The following AMER2 variants were observed in gnomAD, a reference collection of about 807,000 sequenced individuals.
The protein encoded by AMER2 is APC membrane recruitment protein 2, also known as family with sequence similarity 123A.
In AMER2, 1 loss-of-function variant was observed where a neutral mutation model predicts 4.7. The observed-to-expected ratio is 0.21, with a 90% CI of 0.07 to 1.00. AMER2 has a LOEUF of 1.00. Among genes scored for constraint, AMER2 ranks in the 50% least tolerant of loss-of-function variants. The pLI is 0.60. For synonymous variants in AMER2, 485 were observed against 433.3 expected (o/e 1.12, Z -1.48); for missense variants, 988 against 966.9 (o/e 1.02, Z -0.29).
In AMER2 at chr13:25,169,079, T is replaced by A. The variant is rs1956514452; in HGVS notation, c.*525A>T. On this transcript the variant is annotated 3_prime_UTR_variant, in exon 1 of 1. Coordinates refer to ENST00000515384, the MANE Select transcript of AMER2 (RefSeq NM_152704.4). The surrounding 1 kb of genome is among the most constrained non-coding windows in gnomAD (Gnocchi z 4.2). ...TTTGGAGGTATTTTCCACACAGTGA[T>A]ACAGCAAAGGGTTTTGTTTTTGTTT... 6.5e-6 allele frequency: 1 copy of A among 152,716 alleles called. No individual in the cohort carries two copies. Among genetic ancestry groups the A allele is most frequent in the African/African-American group, 2.4e-5 (1 of 41,438 alleles). The allele number at this position is 152,716 out of a possible 1,614,324, so 9.5% of individuals were successfully genotyped here. A position where few individuals can be genotyped will look rare whatever the true frequency, so the allele number is the denominator to read the frequency against.
Position 25,170,964 on chromosome 13 carries a change from G to A in AMER2, c.656C>T (p.Ala219Val), listed in dbSNP as rs373180945. The A allele has an allele frequency of 7.7e-5, 119 of 1,541,090 alleles. No homozygotes were observed. The highest frequency in any genetic ancestry group is 1.8e-4 in the Middle Eastern group (1 of 5,650). Residue 219 changes from alanine (A) to valine (V), a missense_variant, in exon 1 of 1, where the codon GCG becomes GTG. Coordinates refer to ENST00000515384, the MANE Select transcript of AMER2 (RefSeq NM_152704.4). This position sits in a 1 kb window ranked among gnomAD's most constrained non-coding sequence, Gnocchi z 7.3. Reference protein sequence around the residue: ...RAKAEAAEGRAPGGGLILPGS... With the variant: ...RAKAEAAEGRVPGGGLILPGS... ...GGGTAGGATCAAGCCGCCCCCGGGC[G>A]CGCGCCCCTCCGCGGCCTCCGCCTT... is the stretch of plus-strand genomic sequence containing the variant.
Position 25,169,766 on chromosome 13 carries a change from A to T in AMER2, c.1854T>A (p.Leu618=), listed in dbSNP as rs1956528148. The part of the protein sequence containing the change: ...IPISIKHLTN[L]PSSHPVVHQQ... ...GGTGCACCACGGGATGGCTAGATGG[A>T]AGGTTGGTCAGGTGCTTGATGCTAA... The change falls in exon 1 of 1, where the codon CTT becomes CTA. Residue 618 remains leucine (L), a synonymous_variant. Transcript: ENST00000515384. The surrounding 1 kb of genome is among the most constrained non-coding windows in gnomAD (Gnocchi z 4.2). 3 of 1,613,910 alleles carry T rather than the reference A, an allele frequency of 1.9e-6. No individual in the cohort carries two copies. The East Asian group carries it at 6.7e-5, about 36-fold the overall frequency.
Position 25,172,125 on chromosome 13 carries a change from G to C in AMER2, c.-506C>G. 6.4e-6 allele frequency: 1 copy of C among 155,696 alleles called. No homozygotes were observed. The highest frequency in any genetic ancestry group is 1.4e-5 in the Non-Finnish European group (1 of 70,668). 9.6% of individuals were successfully genotyped at this position (155,696 alleles called of 1,614,324 possible). ...AGCCCAGCAGGCAGGAAGCATGTCT[G>C]CCTACATCCATGTCTTGTCCAGAGC... On this transcript the variant is annotated 5_prime_UTR_variant, in exon 1 of 1. Coordinates refer to ENST00000515384, the MANE Select transcript of AMER2 (RefSeq NM_152704.4).
Position 25,165,967 on chromosome 13 carries a change from T to G in AMER2, c.*3637A>C, listed in dbSNP as rs1956474081. 6.6e-6 allele frequency: 1 copy of G among 152,130 alleles called. No homozygotes were observed. The highest frequency in any genetic ancestry group is 2.1e-4 in the South Asian group (1 of 4,826). The allele number at this position is 152,130 out of a possible 1,614,324, so 9.4% of individuals were successfully genotyped here. On this transcript the variant is annotated 3_prime_UTR_variant, in exon 1 of 1. Coordinates refer to ENST00000515384, the MANE Select transcript of AMER2 (RefSeq NM_152704.4). ...TTCACACCAAGCTAACAGTCAAGAG[T>G]TGCCTTTAAAATTAATCTGACAAAG...
At position 25,171,602 on chromosome 13, in the gene AMER2, G is replaced by A. The variant is rs377030859; in HGVS notation, c.18C>T (p.Ser6=). ...CGCTGACAGCCCCGCCGCCGCCGCG[G>A]CTCCGGCTCGTCTCCATGGAAACCG... The part of the protein sequence containing the change: METSR[S]RGGGGAVSER... The change falls in exon 1 of 1, where the codon AGC becomes AGT. Residue 6 remains serine, a synonymous_variant. Coordinates refer to ENST00000515384, the MANE Select transcript of AMER2 (RefSeq NM_152704.4). This position sits in a 1 kb window ranked among gnomAD's most constrained non-coding sequence, Gnocchi z 5.9. The A allele has an allele frequency of 1.8e-3, 2,675 of 1,492,708 alleles. 10 individuals are homozygous for A. Among genetic ancestry groups the A allele is most frequent in the Non-Finnish European group, 2.0e-3 (2,314 of 1,134,936 alleles). 92.5% of individuals were successfully genotyped at this position (1,492,708 alleles called of 1,614,324 possible). A position where few individuals can be genotyped will look rare whatever the true frequency, so the allele number is the denominator to read the frequency against.
In AMER2 at chr13:25,166,647, TC is replaced by T. The variant is rs1956482892; in HGVS notation, c.*2956del. On this transcript the variant is annotated 3_prime_UTR_variant, in exon 1 of 1. Transcript: ENST00000515384. ...ACATGTGGGAAAGATATAATTAGCC[TC>T]TATCCAATCCTTCCCTTAAAAAGTC... 1 of 152,214 alleles carries T rather than the reference TC, an allele frequency of 6.6e-6. No individual in the cohort carries two copies. Among genetic ancestry groups the T allele is most frequent in the African/African-American group, 2.4e-5 (1 of 41,456 alleles). 9.4% of individuals were successfully genotyped at this position (152,214 alleles called of 1,614,324 possible). A position where few individuals can be genotyped will look rare whatever the true frequency, so the allele number is the denominator to read the frequency against.
Position 25,161,783 on chromosome 13 carries a change from A to C in AMER2, c.*7821T>G, listed in dbSNP as rs1272264266. 5 of 152,256 alleles carry C rather than the reference A, an allele frequency of 3.3e-5. No homozygotes were observed. 9.4% of individuals were successfully genotyped at this position (152,256 alleles called of 1,614,324 possible). On this transcript the variant is annotated 3_prime_UTR_variant, in exon 1 of 1. Transcript: ENST00000515384. ...TTTTCAGATGTTTGAATGGAACAAGAAAAGTGCTATTAGCCCAAGCTTCTT... is the reference window on the plus strand; with the variant it reads ...TTTTCAGATGTTTGAATGGAACAAGCAAAGTGCTATTAGCCCAAGCTTCTT...
Position 25,171,772 on chromosome 13 carries a change from TAA to T in AMER2, c.-155_-154del. The T allele has an allele frequency of 1.5e-6, 2 of 1,369,336 alleles. No homozygotes were observed. Among genetic ancestry groups the T allele is most frequent in the Non-Finnish European group, 1.9e-6 (2 of 1,067,582 alleles). 84.8% of individuals were successfully genotyped at this position (1,369,336 alleles called of 1,614,324 possible). The stretch of plus-strand genomic sequence containing the variant: ...ATCTTCCCTCCCGCAAGGGCTTATA[TAA>T]TACCCTAACCCACTTCCATCCGACT... On this transcript the variant is annotated 5_prime_UTR_variant, in exon 1 of 1. It introduces an in-frame stop codon into an upstream open reading frame of the 5' UTR. Coordinates refer to ENST00000515384, the MANE Select transcript of AMER2 (RefSeq NM_152704.4). This position sits in a 1 kb window ranked among gnomAD's most constrained non-coding sequence, Gnocchi z 5.9.
rs1369084859 is a variant in AMER2 at position 25,167,375 on chromosome 13, G to A, written c.*2229C>T. The A allele has an allele frequency of 2.0e-5, 3 of 152,170 alleles. No homozygotes were observed. The highest frequency in any genetic ancestry group is 7.2e-5 in the African/African-American group (3 of 41,452). 9.4% of individuals were successfully genotyped at this position (152,170 alleles called of 1,614,324 possible). On this transcript the variant is annotated 3_prime_UTR_variant, in exon 1 of 1. Transcript: ENST00000515384. ...AAATTTATATTTTCTCCATTCACTA[G>A]GGGAAGATGAATGTATTTTGAGCCT...
rs1956427373 is a variant in AMER2 at position 25,162,999 on chromosome 13, T to G, written c.*6605A>C. 1 of 152,234 alleles carries G rather than the reference T, an allele frequency of 6.6e-6. No homozygotes were observed. Among genetic ancestry groups the G allele is most frequent in the Non-Finnish European group, 1.5e-5 (1 of 68,050 alleles). 9.4% of individuals were successfully genotyped at this position (152,234 alleles called of 1,614,324 possible). ...CTTATTGATGGTGTTCAATAGCTAT[T>G]AGTTGAATGAGTTAATGAATCAGAA... On this transcript the variant is annotated 3_prime_UTR_variant, in exon 1 of 1. Transcript: ENST00000515384.
chr13:25,167,529 C>T lies in AMER2; in HGVS notation c.*2075G>A, dbSNP rs556943053. ...GTCTGTACACAGTTGAGTGCATGAG[C>T]ACGTGAGTGTGAGATGCTTATATGA... is the stretch of plus-strand genomic sequence containing the variant. On this transcript the variant is annotated 3_prime_UTR_variant, in exon 1 of 1. Coordinates refer to ENST00000515384, the MANE Select transcript of AMER2 (RefSeq NM_152704.4). 1 of 152,258 alleles carries T rather than the reference C, an allele frequency of 6.6e-6. No individual in the cohort carries two copies. The highest frequency in any genetic ancestry group is 2.1e-4 in the South Asian group (1 of 4,818). 9.4% of individuals were successfully genotyped at this position (152,258 alleles called of 1,614,324 possible).
In AMER2 at chr13:25,170,706, C is replaced by G. The variant is rs571117602; in HGVS notation, c.914G>C (p.Arg305Pro). Reference protein sequence around the residue: ...ARGEDAAGHRRAEPGPGEVRT... With the variant: ...ARGEDAAGHRPAEPGPGEVRT... Reference sequence around the variant, plus strand: ...GACCTCCCCGGGCCCCGGCTCGGCGCGCCGATGCCCCGCGGCGTCCTCTCC... The same window carrying G: ...GACCTCCCCGGGCCCCGGCTCGGCGGGCCGATGCCCCGCGGCGTCCTCTCC... Residue 305 changes from arginine to proline, a missense_variant, in exon 1 of 1, where the codon CGC becomes CCC. Arg to Pro is a moderately radical substitution (Grantham distance 103, BLOSUM62 -2). Transcript: ENST00000515384. The surrounding 1 kb of genome is among the most constrained non-coding windows in gnomAD (Gnocchi z 7.3). 2.7e-6 allele frequency: 4 copies of G among 1,493,390 alleles called. No individual in the cohort carries two copies. The highest frequency in any genetic ancestry group is 2.8e-5 in the East Asian group (1 of 35,478). 92.5% of individuals were successfully genotyped at this position (1,493,390 alleles called of 1,614,324 possible). A position where few individuals can be genotyped will look rare whatever the true frequency, so the allele number is the denominator to read the frequency against.
rs1234663147 is a variant in AMER2 at position 25,165,272 on chromosome 13, G to A, written c.*4332C>T. On this transcript the variant is annotated 3_prime_UTR_variant, in exon 1 of 1. Coordinates refer to ENST00000515384, the MANE Select transcript of AMER2 (RefSeq NM_152704.4). The stretch of plus-strand genomic sequence containing the variant: ...GGCTTTTGAGAAGCAATGCATGACA[G>A]CCACCGGGAAATCTTCAGAGCAAGA... 7 of 152,266 alleles carry A rather than the reference G, an allele frequency of 4.6e-5. No homozygotes were observed. The highest frequency in any genetic ancestry group is 4.6e-4 in the Admixed American group (7 of 15,284). 9.4% of individuals were successfully genotyped at this position (152,266 alleles called of 1,614,324 possible).
At position 25,162,343 on chromosome 13, in the gene AMER2, C is replaced by A. The variant is rs954779534; in HGVS notation, c.*7261G>T. On this transcript the variant is annotated 3_prime_UTR_variant, in exon 1 of 1. Transcript: ENST00000515384. ...CCTGCTAGGTAGCTGGTGTCAAGTA[C>A]AAATGATAGGAATTGACTTTGCCAA... 1.1e-4 allele frequency: 17 copies of A among 152,160 alleles called. No individual in the cohort carries two copies. Among genetic ancestry groups the A allele is most frequent in the Non-Finnish European group, 2.2e-4 (15 of 68,032 alleles). The allele number at this position is 152,160 out of a possible 1,614,324, so 9.4% of individuals were successfully genotyped here.
chr13:25,166,976 G>A lies in AMER2; in HGVS notation c.*2628C>T, dbSNP rs1956487158. The A allele has an allele frequency of 6.6e-6, 1 of 151,994 alleles. No homozygotes were observed. Among genetic ancestry groups the A allele is most frequent in the African/African-American group, 2.4e-5 (1 of 41,400 alleles). The allele number at this position is 151,994 out of a possible 1,614,324, so 9.4% of individuals were successfully genotyped here. A position where few individuals can be genotyped will look rare whatever the true frequency, so the allele number is the denominator to read the frequency against. On this transcript the variant is annotated 3_prime_UTR_variant, in exon 1 of 1. Transcript: ENST00000515384. ...TCTTAAAAAATAAGGTAAAAAAAAA[G>A]TGGAAAATATAAATTTTAAAAGAAA...
rs112746394 is a variant in AMER2 at position 25,171,524 on chromosome 13, G to T, written c.96C>A (p.Ala32=). Residue 32 remains alanine (A), a synonymous_variant, in exon 1 of 1, where the codon GCC becomes GCA. Transcript: ENST00000515384. This position sits in a 1 kb window ranked among gnomAD's most constrained non-coding sequence, Gnocchi z 5.9. ...SVGVCRRKAE[A]GAGTGTLAAD... is the part of the protein sequence containing the mutation. ...CCGCGAGGGTCCCGGTCCCGGCCCCGGCCTCCGCCTTCCTCCTGCAGACCC... is the reference window on the plus strand; with the variant it reads ...CCGCGAGGGTCCCGGTCCCGGCCCCTGCCTCCGCCTTCCTCCTGCAGACCC... The T allele has an allele frequency of 1.9e-6, 3 of 1,594,496 alleles. No individual in the cohort carries two copies. The highest frequency in any genetic ancestry group is 1.1e-5 in the South Asian group (1 of 89,080).
At position 25,171,158 on chromosome 13, in the gene AMER2, G is replaced by T; in HGVS notation, c.462C>A (p.Ser154Arg). 6.5e-7 allele frequency: 1 copy of T among 1,539,478 alleles called. No homozygotes were observed. The highest frequency in any genetic ancestry group is 2.7e-5 in the East Asian group (1 of 37,180). ...AAGPGGGSLA[S>R]SSVAKSHSFF... ...AGCTGTGCGACTTGGCCACCGAGCT[G>T]CTGGCGAGGGAGCCCCCGCCGGGCC... The change falls in exon 1 of 1, where the codon AGC becomes AGA. Residue 154 changes from serine to arginine, a missense_variant. By Grantham distance (110) the Ser-to-Arg change is moderately radical. Coordinates refer to ENST00000515384, the MANE Select transcript of AMER2 (RefSeq NM_152704.4). This position sits in a 1 kb window ranked among gnomAD's most constrained non-coding sequence, Gnocchi z 5.9.
In AMER2 at chr13:25,168,499, C is replaced by T. The variant is rs933498191; in HGVS notation, c.*1105G>A. 1.3e-5 allele frequency: 2 copies of T among 151,548 alleles called. No individual in the cohort carries two copies. The highest frequency in any genetic ancestry group is 4.8e-5 in the African/African-American group (2 of 41,272). The allele number at this position is 151,548 out of a possible 1,614,324, so 9.4% of individuals were successfully genotyped here. On this transcript the variant is annotated 3_prime_UTR_variant, in exon 1 of 1. Transcript: ENST00000515384. ...TACCCAAAACAAGGCAGAGCCATTC[C>T]TCTGGGACACCAGCACAATAGATTT...
rs1956490768 is a variant in AMER2, at chr13:25,167,274, T to C, written c.*2330A>G. The C allele has an allele frequency of 6.6e-6, 1 of 152,194 alleles. No homozygotes were observed. The highest frequency in any genetic ancestry group is 6.5e-5 in the Admixed American group (1 of 15,278). 9.4% of individuals were successfully genotyped at this position (152,194 alleles called of 1,614,324 possible). On this transcript the variant is annotated 3_prime_UTR_variant, in exon 1 of 1. Transcript: ENST00000515384. ...CCAACATAACTTTGCCATGGATTCATGCAAAGGAGAATATAACCCTTGCAG... is the reference window on the plus strand; with the variant it reads ...CCAACATAACTTTGCCATGGATTCACGCAAAGGAGAATATAACCCTTGCAG...
Sources: allele counts gnomAD v4.1 joint callset, GRCh38; gene constraint gnomAD v4.1.1; non-coding constraint Gnocchi (gnomAD v3.1); transcripts MANE v1.5; gene names NCBI Gene and HGNC (gene_info 2026-07-23, HGNC 2026-07-21).